The following ASPSCR1 variants were observed in gnomAD, a reference collection of about 807,000 sequenced individuals.
ASPSCR1 encodes tether containing UBX domain for GLUT4.
Under a neutral mutation model 68.9 loss-of-function variants are expected in ASPSCR1, and 55 were observed. The ratio of observed to expected loss-of-function variants is 0.80; its 90% CI spans 0.64 to 1.00. The LOEUF (loss-of-function observed/expected upper bound fraction) is 1.00. ASPSCR1 is among the 50% of genes least tolerant of loss of function. The pLI, the probability that ASPSCR1 is intolerant of heterozygous loss-of-function variation, is 0.00. For missense variants in ASPSCR1, 765 were observed against 762.2 expected (o/e 1.00, Z -0.04); for synonymous variants, 352 against 332.6 (o/e 1.06, Z -0.63).
At chr17:81,979,260 C>T in intron 2 of ASPSCR1, 21 bp downstream of exon 2, 2 of 1,611,604 alleles carry the variant, frequency 1.2e-6, no homozygotes, top group Non-Finnish European at 1.7e-6. Context: ...TCCAGCTCAG[C>T]AGCAGGGTCT....
At chr17:82,016,426 G>A (rs567701559) in intron 12 of ASPSCR1, 50 bp from the exon 13 acceptor site, 1 of 1,503,800 alleles carries the variant, frequency 6.6e-7, no homozygotes, top group East Asian at 2.5e-5. Flanking sequence ...TTCACAGCAG[G>A]GGGGTGCTCT....
chr17:81,979,438 G>T (rs1332468907), intron 2 of ASPSCR1, among the ~76,000 whole-genome samples, 199 bp downstream of exon 2: 1 of 152,200 alleles, frequency 6.6e-6, no homozygotes, highest in Non-Finnish European at 1.5e-5. Flanking sequence ...GCCTCTTCCA[G>T]CTTCTCATGG....
chr17:81,985,072 G>C (rs572210086), intron 3 of ASPSCR1, among the ~76,000 whole-genome samples: 3 of 107,960 alleles, frequency 2.8e-5, no homozygotes, highest in Admixed American at 1.2e-4. Flanking sequence ...GCACACACCT[G>C]TACACACACA....
Position 81,986,424 on chromosome 17 carries a change from G to C in ASPSCR1, c.374+817G>C, listed in dbSNP as rs1009493342. ...AGCCTGGGCAACAGAACGAGACTCTGTCTCAAAAAAATAAATAAATAAAAA... is the reference window on the plus strand; with the variant it reads ...AGCCTGGGCAACAGAACGAGACTCTCTCTCAAAAAAATAAATAAATAAAAA... On this transcript the variant is annotated intron_variant, in intron 4 of 15. Transcript: ENST00000306739. This position sits in a 1 kb window ranked among gnomAD's most constrained non-coding sequence, Gnocchi z 5.2. Among the ~76,000 whole-genome samples, 1 of 152,086 alleles carries C rather than the reference G, an allele frequency of 6.6e-6. No individual in the cohort carries two copies. The highest frequency in any genetic ancestry group is 1.5e-5 in the Non-Finnish European group (1 of 68,024).
chr17:81,992,863 G>A (rs1028873403), intron 4 of ASPSCR1, among the ~76,000 whole-genome samples: 1 of 152,186 alleles, frequency 6.6e-6, no homozygotes, highest in African/African-American at 2.4e-5. Flanking sequence ...GACACCCGCC[G>A]TGTGTGTGGT....
Position 81,987,888 on chromosome 17 carries a change from G to T in ASPSCR1, c.374+2281G>T, listed in dbSNP as rs1347951910. 6.6e-6 allele frequency among the ~76,000 whole-genome samples: 1 copy of T among 152,080 alleles called. No individual in the cohort carries two copies. The highest frequency in any genetic ancestry group is 1.5e-5 in the Non-Finnish European group (1 of 68,008). On this transcript the variant is annotated intron_variant, in intron 4 of 15. Coordinates refer to ENST00000306739, the MANE Select transcript of ASPSCR1 (RefSeq NM_024083.4). This position sits in a 1 kb window ranked among gnomAD's most constrained non-coding sequence, Gnocchi z 5.6. ...CAAAAGAAACAACAAGGCTGGGCAC[G>T]GTGGCTCACACCTGTAATCGCAGCA...
rs370150951 is a variant in ASPSCR1 at position 82,015,180 on chromosome 17, G to A, written c.1354-1296G>A. 6.9e-6 allele frequency: 11 copies of A among 1,598,146 alleles called. No individual in the cohort carries two copies. The African/African-American group carries it at 8.0e-5, about 12-fold the overall frequency. On this transcript the variant is annotated intron_variant, in intron 12 of 15. Coordinates refer to ENST00000306739, the MANE Select transcript of ASPSCR1 (RefSeq NM_024083.4). ...CTTGCCAGTGGTAGGAGATGGAGGC[G>A]ACGTGGACTCTGGGAGGCTTCTTTT...
chr17:82,015,725 C>T (rs1598439388), intron 12 of ASPSCR1: 2 of 299,828 alleles, frequency 6.7e-6, no homozygotes, highest in Non-Finnish European at 1.3e-5. Context: ...GCATGCTCTC[C>T]ATCTGGGAGA....
chr17:81,977,943 C>G lies in ASPSCR1; in HGVS notation c.102+195C>G, dbSNP rs2041662260. 2 of 330,834 alleles carry G rather than the reference C, an allele frequency of 6.0e-6. No homozygotes were observed. The highest frequency in any genetic ancestry group is 1.0e-4 in the Admixed American group (2 of 19,850). 20.5% of individuals were successfully genotyped at this position (330,834 alleles called of 1,614,324 possible). ...GGGGTCCCGGGGGTCCCGGGGGTCC[C>G]GAGTGGGGGCGGGGCGGTGGCGAGC... On this transcript the variant is annotated intron_variant, in intron 1 of 15. Coordinates refer to ENST00000306739, the MANE Select transcript of ASPSCR1 (RefSeq NM_024083.4). This position sits in a 1 kb window ranked among gnomAD's most constrained non-coding sequence, Gnocchi z 5.0.
intron 11 of ASPSCR1, among the ~76,000 whole-genome samples, chr17:82,011,886 G>A (rs1339221993): frequency 7.9e-5 from 12 of 152,060 alleles, no homozygotes; most frequent in Admixed American, 7.9e-4. Context: ...CCCCACCCCT[G>A]GGGCTCAGGC....
Position 81,986,955 on chromosome 17 carries a change from C to G in ASPSCR1, c.374+1348C>G, listed in dbSNP as rs535071161. Among the ~76,000 whole-genome samples the G allele has an allele frequency of 6.6e-6, 1 of 152,154 alleles. No individual in the cohort carries two copies. Among genetic ancestry groups the G allele is most frequent in the Non-Finnish European group, 1.5e-5 (1 of 68,032 alleles). Reference sequence around the variant, plus strand: ...GAATGGAGGCCCCTGGAGATGGCAGCGGGTTAAGCACGAGCACGGAATTCT... The same window carrying G: ...GAATGGAGGCCCCTGGAGATGGCAGGGGGTTAAGCACGAGCACGGAATTCT... On this transcript the variant is annotated intron_variant, in intron 4 of 15. Transcript: ENST00000306739. This position sits in a 1 kb window ranked among gnomAD's most constrained non-coding sequence, Gnocchi z 5.2.
rs767422195 is a variant in ASPSCR1, at chr17:81,987,013, G to A, written c.374+1406G>A. Among the ~76,000 whole-genome samples the A allele has an allele frequency of 1.1e-4, 17 of 152,138 alleles. No individual in the cohort carries two copies. Among genetic ancestry groups the A allele is most frequent in the Non-Finnish European group, 1.8e-4 (12 of 68,036 alleles). ...AAAACGGAACTCAGACAACAGTGAC[G>A]GAGCCTAAGAGCAAAGCCAAAGCCA... On this transcript the variant is annotated intron_variant, in intron 4 of 15. Coordinates refer to ENST00000306739, the MANE Select transcript of ASPSCR1 (RefSeq NM_024083.4). This position sits in a 1 kb window ranked among gnomAD's most constrained non-coding sequence, Gnocchi z 5.6.
At position 82,016,936 on chromosome 17, in the gene ASPSCR1, C is replaced by A; in HGVS notation, c.1476-5C>A. On this transcript the variant is annotated splice_polypyrimidine_tract_variant and splice_region_variant and intron_variant, in intron 14 of 15. Coordinates refer to ENST00000306739, the MANE Select transcript of ASPSCR1 (RefSeq NM_024083.4). ...TCACCACTCTGTGTCTTCGCCTCCC[C>A]ACAGGTACATGTCCAGGGCCGCCGG... 6.2e-7 allele frequency: 1 copy of A among 1,610,958 alleles called. No individual in the cohort carries two copies. The highest frequency in any genetic ancestry group is 8.5e-7 in the Non-Finnish European group (1 of 1,178,560).
chr17:81,977,837 G>T lies in ASPSCR1; in HGVS notation c.102+89G>T. Reference sequence around the variant, plus strand: ...CATTGCGGTCGGCGTCCCGGTGTTCGGGGGCGGGGCCTCGGCGGCCAATGA... The same window carrying T: ...CATTGCGGTCGGCGTCCCGGTGTTCTGGGGCGGGGCCTCGGCGGCCAATGA... On this transcript the variant is annotated intron_variant, in intron 1 of 15. Transcript: ENST00000306739. This position sits in a 1 kb window ranked among gnomAD's most constrained non-coding sequence, Gnocchi z 5.0. 1 of 1,021,860 alleles carries T rather than the reference G, an allele frequency of 9.8e-7. No homozygotes were observed. The highest frequency in any genetic ancestry group is 1.2e-6 in the Non-Finnish European group (1 of 808,462). 63.3% of individuals were successfully genotyped at this position (1,021,860 alleles called of 1,614,324 possible).
intron 12 of ASPSCR1, chr17:82,015,000 C>A: frequency 6.9e-7 from 1 of 1,458,624 alleles, no homozygotes; most frequent in Non-Finnish European, 9.1e-7. Context: ...GCCCCTCAGC[C>A]TGTGCCTCCC....
chr17:81,989,484 G>A (rs2042094321), intron 4 of ASPSCR1, among the ~76,000 whole-genome samples: 1 of 152,210 alleles, frequency 6.6e-6, no homozygotes, highest in Admixed American at 6.5e-5. Context: ...GAGTGGGACG[G>A]GCGGGAAGCT....
chr17:81,987,637 A>G lies in ASPSCR1; in HGVS notation c.374+2030A>G, dbSNP rs1403975733. ...GAGGTGGGGCCGGCATTGTGGTAGC[A>G]TAAGCCTCTTCAACAGACTTTGTAA... On this transcript the variant is annotated intron_variant, in intron 4 of 15. Transcript: ENST00000306739. This position sits in a 1 kb window ranked among gnomAD's most constrained non-coding sequence, Gnocchi z 5.6. Among the ~76,000 whole-genome samples, 1 of 152,164 alleles carries G rather than the reference A, an allele frequency of 6.6e-6. No individual in the cohort carries two copies. Among genetic ancestry groups the G allele is most frequent in the East Asian group, 1.9e-4 (1 of 5,182 alleles).
chr17:82,002,718 C>A (rs776566478), intron 7 of ASPSCR1, among the ~76,000 whole-genome samples: 1 of 151,172 alleles, frequency 6.6e-6, no homozygotes, highest in Admixed American at 6.6e-5. Context: ...CCACCATGCC[C>A]GGCTAATTTT....
chr17:81,992,847 G>T (rs532452965), intron 4 of ASPSCR1, among the ~76,000 whole-genome samples: 4 of 152,214 alleles, frequency 2.6e-5, no homozygotes, highest in African/African-American at 9.6e-5. Context: ...CAGCCTGTGC[G>T]CAGAGGACAC....
Sources: allele counts gnomAD v4.1 joint callset (sites outside exome capture counted in the v4.1 genomes callset), GRCh38; gene constraint gnomAD v4.1.1; non-coding constraint Gnocchi (gnomAD v3.1); transcripts MANE v1.5; gene names NCBI Gene and HGNC (gene_info 2026-07-23, HGNC 2026-07-21).